The following MYO3A variants were observed in gnomAD, a reference collection of about 807,000 sequenced individuals.
MYO3A encodes the protein myosin IIIA, also known as myosin-IIIa.
In MYO3A, 180 loss-of-function variants were observed where a neutral mutation model predicts 192.7. The ratio of observed to expected loss-of-function variants is 0.93; its 90% CI spans 0.83 to 1.06. The LOEUF (loss-of-function observed/expected upper bound fraction) is 1.06. MYO3A is among the 50% of genes least tolerant of loss of function. MYO3A has a pLI of 0.00. For synonymous variants in MYO3A, 628 were observed against 645.3 expected, an observed-to-expected ratio of 0.97 and a Z score of 0.41; for missense variants, 1,896 against 1,905.0, an observed-to-expected ratio of 1.00 and a Z score of 0.09.
intron 4 of MYO3A, among the ~76,000 whole-genome samples, chr10:25,961,783 G>A (rs10828917): frequency 0.43 from 65,776 of 152,034 alleles, 15,333 homozygotes; most frequent in East Asian, 0.62. Flanking sequence ...TGCAGGTGCT[G>A]CTTTAGAGGC....
chr10:26,047,978 A>C (rs1843729842), intron 10 of MYO3A, among the ~76,000 whole-genome samples: 1 of 152,092 alleles, frequency 6.6e-6, no homozygotes, highest in African/African-American at 2.4e-5. Context: ...TAATACTCTA[A>C]ATACATTTTT....
intron 17 of MYO3A, 57 bp downstream of exon 17, chr10:26,096,739 G>T: frequency 8.3e-7 from 1 of 1,202,928 alleles, no homozygotes; most frequent in East Asian, 2.3e-5. Flanking sequence ...CATCACTAAT[G>T]TTAAGAGCAT....
At chr10:26,181,807 A>G (rs1842630692) in intron 31 of MYO3A, among the ~76,000 whole-genome samples, 1 of 151,684 alleles carries the variant, frequency 6.6e-6, no homozygotes, top group Admixed American at 6.6e-5. Context: ...ATTAGTTTAT[A>G]TCATTGACCC....
intron 10 of MYO3A, among the ~76,000 whole-genome samples, chr10:26,033,707 CATAA>C (rs1286690299): frequency 6.6e-6 from 1 of 152,120 alleles, no homozygotes; most frequent in East Asian, 1.9e-4. Context: ...AAGACAAGAA[CATAA>C]ATAACCATTA....
intron 17 of MYO3A, among the ~76,000 whole-genome samples, chr10:26,115,219 G>T (rs1838428949): frequency 1.3e-5 from 2 of 152,226 alleles, no homozygotes; most frequent in Non-Finnish European, 2.9e-5. Context: ...TGACAGCCGT[G>T]TGGAAGACGG....
intron 20 of MYO3A, among the ~76,000 whole-genome samples, chr10:26,138,721 G>A (rs1359569117): frequency 6.6e-6 from 1 of 152,168 alleles, no homozygotes; most frequent in African/African-American, 2.4e-5. Flanking sequence ...GCAGGCGAGG[G>A]CTACAGAAAC....
intron 1 of MYO3A, among the ~76,000 whole-genome samples, chr10:25,935,030 G>C (rs1379541717): frequency 2.0e-5 from 3 of 152,166 alleles, no homozygotes; most frequent in African/African-American, 7.2e-5. Flanking sequence ...TGGCGCGCGC[G>C]GGCTTTGCGG....
rs146693681 is a variant in MYO3A at position 26,174,196 on chromosome 10, C to G, written c.3932C>G (p.Thr1311Ser). Residue 1311 changes from threonine to serine, a missense_variant, in exon 30 of 35, where the codon ACC (threonine) becomes AGC (serine). Physicochemically the swap from Thr to Ser is moderately conservative, Grantham distance 58. Coordinates refer to ENST00000642920, the MANE Select transcript of MYO3A (RefSeq NM_017433.5). ...MEKEKKTSVVTQRAPICSQEE... is the reference protein window; with the variant it reads ...MEKEKKTSVVSQRAPICSQEE... ...AAAGAAAAGAAGACATCTGTAGTTA[C>G]CCAGCGTGCACCGATATGCAGCCAG... 3.0e-4 allele frequency: 480 copies of G among 1,614,190 alleles called. 3 individuals are homozygous for G. In the African/African-American group the frequency reaches 4.5e-3, roughly 15 times the overall value.
At chr10:25,988,000 A>ATG (rs1366888001) in intron 4 of MYO3A, among the ~76,000 whole-genome samples, 1 of 152,216 alleles carries the variant, frequency 6.6e-6, no homozygotes, top group African/African-American at 2.4e-5. Context: ...ATATATATAT[A>ATG]TGATCGAATA....
chr10:26,103,134 C>T (rs966580481), intron 17 of MYO3A, among the ~76,000 whole-genome samples: 5 of 152,210 alleles, frequency 3.3e-5, no homozygotes, highest in Admixed American at 1.3e-4. Flanking sequence ...AGTTCAATCT[C>T]AGACTGCTGT....
rs773173215 is a variant in MYO3A at position 26,127,090 on chromosome 10, G to A, written c.2115-1301G>A. The stretch of plus-strand genomic sequence containing the variant: ...TAGGGGCATTGAATGACAAGTCAGT[G>A]GTCTTAGTTGTTGGGGTGTATCTTG... On this transcript the variant is annotated intron_variant, in intron 19 of 34. Transcript: ENST00000642920. Among the ~76,000 whole-genome samples, 300 of 152,056 alleles carry A rather than the reference G, an allele frequency of 2.0e-3. 2 individuals carry two copies. The highest frequency in any genetic ancestry group is 1.7e-3 in the Non-Finnish European group (115 of 67,990).
At chr10:26,055,238 C>T (rs1222016870) in intron 10 of MYO3A, among the ~76,000 whole-genome samples, 1 of 152,084 alleles carries the variant, frequency 6.6e-6, no homozygotes, top group Non-Finnish European at 1.5e-5. Flanking sequence ...TTTATCAGTG[C>T]CCACACCTTC....
chr10:25,952,962 T>G (rs373971571), intron 3 of MYO3A, among the ~76,000 whole-genome samples: 5 of 151,570 alleles, frequency 3.3e-5, no homozygotes, highest in Admixed American at 2.6e-4. Flanking sequence ...ACTACTGAGA[T>G]TCTATCTTCT....
intron 32 of MYO3A, among the ~76,000 whole-genome samples, chr10:26,195,096 C>G (rs929892612): frequency 6.6e-6 from 1 of 152,162 alleles, no homozygotes; most frequent in Non-Finnish European, 1.5e-5. Context: ...ACTCCCCACC[C>G]CCTGCCCCAA....
intron 32 of MYO3A, among the ~76,000 whole-genome samples, chr10:26,197,098 T>G (rs545148493): frequency 1.1e-4 from 16 of 152,230 alleles, no homozygotes; most frequent in Non-Finnish European, 2.2e-4. Context: ...AGCCAATCAC[T>G]GAACCGAGTA....
intron 21 of MYO3A, among the ~76,000 whole-genome samples, chr10:26,145,205 A>C (rs938488773): frequency 2.6e-5 from 4 of 151,094 alleles, no homozygotes; most frequent in African/African-American, 9.7e-5. Context: ...AAAACCCTCA[A>C]GGTGACTCTG....
At chr10:25,960,276 G>T (rs1025618456) in intron 4 of MYO3A, among the ~76,000 whole-genome samples, 3 of 151,990 alleles carry the variant, frequency 2.0e-5, no homozygotes, top group South Asian at 2.1e-4. Context: ...ATGTATAATA[G>T]TATTTTCAAA....
At chr10:26,210,174 G>A (rs531195539) in intron 34 of MYO3A, among the ~76,000 whole-genome samples, 1 of 151,638 alleles carries the variant, frequency 6.6e-6, no homozygotes, top group Admixed American at 6.6e-5. Context: ...AAGGGAGGGA[G>A]GGAAGGAATT....
chr10:26,099,805 C>T (rs11498243), intron 17 of MYO3A, among the ~76,000 whole-genome samples: 74,291 of 151,976 alleles, frequency 0.49, 18,723 homozygotes, highest in Middle Eastern at 0.59. Flanking sequence ...CTGCTGGATT[C>T]GGTTTGCCAG....
Sources: allele counts gnomAD v4.1 joint callset (sites outside exome capture counted in the v4.1 genomes callset), GRCh38; gene constraint gnomAD v4.1.1; transcripts MANE v1.5; gene names NCBI Gene and HGNC (gene_info 2026-07-23, HGNC 2026-07-21).